The following SLC30A5 variants were observed in gnomAD, a reference collection of about 807,000 sequenced individuals.
SLC30A5 encodes solute carrier family 30 member 5, also known as proton-coupled zinc antiporter SLC30A5.
Under a neutral mutation model 79.6 loss-of-function variants are expected in SLC30A5, and 33 were observed. The observed-to-expected ratio is 0.41, with a 90% confidence interval of 0.31 to 0.55. The LOEUF is 0.55. SLC30A5 is among the 20% of genes least tolerant of loss of function. The pLI is 0.20. For missense variants in SLC30A5, 788 were observed against 928.1 expected (o/e 0.85, Z 1.96); for synonymous variants, 299 against 319.7 (o/e 0.94, Z 0.69).
At chr5:69,118,920 C>T (rs1199967120) in intron 12 of SLC30A5, among the ~76,000 whole-genome samples, 20 of 151,770 alleles carry the variant, frequency 1.3e-4, no homozygotes, top group Admixed American at 1.3e-3. Context: ...CGTGCCTCAG[C>T]CTCCTGAGTA....
At position 69,121,792 on chromosome 5, in the gene SLC30A5, C is replaced by T; in HGVS notation, c.1668C>T (p.His556=). The T allele has an allele frequency of 6.2e-7, 1 of 1,611,996 alleles. No homozygotes were observed. The highest frequency in any genetic ancestry group is 8.5e-7 in the Non-Finnish European group (1 of 1,178,554). The change falls in exon 13 of 16, where the codon CAC becomes CAT. Residue 556 remains histidine (H), a synonymous_variant. Coordinates refer to ENST00000396591, the MANE Select transcript of SLC30A5 (RefSeq NM_022902.5). ...ATGGAGCTTCTCAAGGAAGCTGTCA[C>T]TCATCTGATCACAGCCATTCACACC... ...HAHGASQGSC[H]SSDHSHSHHM...
rs1023532564 is a variant in SLC30A5, at chr5:69,094,057, C to T, written c.-199C>T. 3.8e-5 allele frequency: 15 copies of T among 396,726 alleles called. 1 individual carries two copies. The highest frequency in any genetic ancestry group is 2.9e-4 in the African/African-American group (14 of 48,410). 24.6% of individuals were successfully genotyped at this position (396,726 alleles called of 1,614,324 possible). On this transcript the variant is annotated 5_prime_UTR_variant, in exon 1 of 16. Transcript: ENST00000396591. The stretch of plus-strand genomic sequence containing the variant: ...TCCCGGGAACCTGGCGCCGCCGGAA[C>T]TGATCGCGGCCTAGTCCCGACGCGT...
At chr5:69,100,717 T>C (rs1745888753) in intron 1 of SLC30A5, 90 bp from the exon 2 acceptor site, 12 of 1,109,016 alleles carry the variant, frequency 1.1e-5, no homozygotes, top group Non-Finnish European at 1.4e-5. Context: ...TTCTGTGGTT[T>C]CTGTAATGAC....
intron 14 of SLC30A5, 45 bp from the exon 15 acceptor site, chr5:69,127,959 A>T: frequency 6.5e-7 from 1 of 1,548,766 alleles, no homozygotes; most frequent in East Asian, 2.3e-5. Context: ...TGTGTTGTGT[A>T]AAGTAGCCTG....
chr5:69,108,481 T>C, intron 5 of SLC30A5, 45 bp downstream of exon 5: 1 of 1,282,800 alleles, frequency 7.8e-7, no homozygotes, highest in Non-Finnish European at 1.1e-6. Context: ...AAAGTATGTA[T>C]GTCACATATT....
chr5:69,104,568 A>T, intron 3 of SLC30A5, 63 bp from the exon 4 acceptor site: 1 of 1,463,648 alleles, frequency 6.8e-7, no homozygotes. Flanking sequence ...TTTTATTTAA[A>T]ATTTGGATAT....
chr5:69,098,445 G>A (rs938436025), intron 1 of SLC30A5, among the ~76,000 whole-genome samples: 4 of 152,184 alleles, frequency 2.6e-5, no homozygotes, highest in South Asian at 4.1e-4. Context: ...AGAATTGCTT[G>A]AACCCGGGGG....
intron 15 of SLC30A5, among the ~76,000 whole-genome samples, chr5:69,129,036 C>T (rs1305105056): frequency 6.6e-6 from 1 of 152,022 alleles, no homozygotes; most frequent in Non-Finnish European, 1.5e-5. Flanking sequence ...ACTATGTTGC[C>T]CAGGCTGGTC....
rs1170412490 is a variant in SLC30A5, at chr5:69,118,615, C to G, written c.1556C>G (p.Thr519Ser). The G allele has an allele frequency of 6.3e-7, 1 of 1,587,060 alleles. No homozygotes were observed. The highest frequency in any genetic ancestry group is 1.8e-5 in the Admixed American group (1 of 55,772). The change falls in exon 12 of 16, where the codon ACT (threonine) becomes AGT (serine). Residue 519 changes from threonine to serine, a missense_variant. Thr to Ser is a moderately conservative substitution (Grantham distance 58, BLOSUM62 1). Coordinates refer to ENST00000396591, the MANE Select transcript of SLC30A5 (RefSeq NM_022902.5). ...ARLIDPPELD[T>S]HMLTPVSVGG... ...TTGATTGATCCTCCAGAATTAGACA[C>G]TCACATGTTAACAGTAAGTCTTTTT...
intron 14 of SLC30A5, 80 bp downstream of exon 14, chr5:69,123,505 C>A (rs1337736875): frequency 4.2e-5 from 44 of 1,047,586 alleles, no homozygotes; most frequent in South Asian, 1.2e-4. Context: ...AAACAGACAA[C>A]CAAATAAATA....
At chr5:69,096,982 C>A (rs920676380) in intron 1 of SLC30A5, among the ~76,000 whole-genome samples, 18 of 147,834 alleles carry the variant, frequency 1.2e-4, no homozygotes, top group Non-Finnish European at 1.8e-4. Context: ...CAAAAAAAAA[C>A]CCCAAAAAAA....
chr5:69,096,004 G>A (rs1052951703), intron 1 of SLC30A5, among the ~76,000 whole-genome samples: 2 of 152,130 alleles, frequency 1.3e-5, no homozygotes, highest in African/African-American at 4.8e-5. Context: ...AGGAGGCAGA[G>A]GTTGCAGTGA....
rs773631536 is a variant in SLC30A5 at position 69,128,090 on chromosome 5, A to T, written c.2085A>T (p.Ile695=). 1.9e-6 allele frequency: 3 copies of T among 1,612,590 alleles called. No individual in the cohort carries two copies. The highest frequency in any genetic ancestry group is 1.7e-6 in the Non-Finnish European group (2 of 1,179,038). ...GTATTGTGGCAGGAACAATTCATAT[A>T]CAGGTGACATCTGATGTGCTAGAAC... ...SASIVAGTIH[I]QVTSDVLEQR... The change falls in exon 15 of 16, where the codon ATA becomes ATT. Residue 695 remains isoleucine (I), a synonymous_variant. Coordinates refer to ENST00000396591, the MANE Select transcript of SLC30A5 (RefSeq NM_022902.5).
At chr5:69,098,063 G>A (rs764632032) in intron 1 of SLC30A5, among the ~76,000 whole-genome samples, 2 of 151,310 alleles carry the variant, frequency 1.3e-5, no homozygotes, top group Non-Finnish European at 1.5e-5. Flanking sequence ...GCCCAGGTTG[G>A]TCTTGAACTC....
At chr5:69,113,692 A>C (rs1052488209) in intron 6 of SLC30A5, among the ~76,000 whole-genome samples, 8 of 152,084 alleles carry the variant, frequency 5.3e-5, no homozygotes, top group Non-Finnish European at 1.0e-4. Context: ...CAGAAACCCA[A>C]CTTTCTAGTC....
chr5:69,115,988 G>C lies in SLC30A5; in HGVS notation c.846G>C (p.Met282Ile). 2 of 1,613,728 alleles carry C rather than the reference G, an allele frequency of 1.2e-6. No homozygotes were observed. The highest frequency in any genetic ancestry group is 1.7e-6 in the Non-Finnish European group (2 of 1,179,882). Residue 282 changes from methionine to isoleucine, a missense_variant, in exon 9 of 16, where the codon ATG becomes ATC. Met to Ile is a conservative substitution (Grantham distance 10). Around this residue, in one of 3 missense-constraint regions of SLC30A5, gnomAD observed 626 missense variants for 755.5 expected, o/e 0.83. Coordinates refer to ENST00000396591, the MANE Select transcript of SLC30A5 (RefSeq NM_022902.5). ...TTGCAACGGTTATCTTTTTTGTCATGATCCTGGATTTCTACGTGGATTCCA... is the reference window on the plus strand; with the variant it reads ...TTGCAACGGTTATCTTTTTTGTCATCATCCTGGATTTCTACGTGGATTCCA... ...MPFATVIFFV[M>I]ILDFYVDSIC...
chr5:69,106,173 C>T (rs889371269), intron 4 of SLC30A5, among the ~76,000 whole-genome samples: 2 of 152,104 alleles, frequency 1.3e-5, no homozygotes, highest in African/African-American at 2.4e-5. Flanking sequence ...TTGTCATGTA[C>T]TTTGTCAGAT....
intron 15 of SLC30A5, among the ~76,000 whole-genome samples, chr5:69,128,533 GT>G (rs1746766414): frequency 6.6e-6 from 1 of 152,066 alleles, no homozygotes; most frequent in East Asian, 1.9e-4. Context: ...AAAGTGCTGG[GT>G]TTATAGGCAA....
chr5:69,129,791 G>T lies in SLC30A5; in HGVS notation c.*174G>T. On this transcript the variant is annotated 3_prime_UTR_variant, in exon 16 of 16. Transcript: ENST00000396591. ...TTTAAATACAGAATGAAACATTAATGGTAAAAGTGGAGTAATTATTTAAAT... is the reference window on the plus strand; with the variant it reads ...TTTAAATACAGAATGAAACATTAATTGTAAAAGTGGAGTAATTATTTAAAT... The T allele has an allele frequency of 2.1e-6, 1 of 477,500 alleles. No homozygotes were observed. Among genetic ancestry groups the T allele is most frequent in the Admixed American group, 4.0e-5 (1 of 25,222 alleles). 29.6% of individuals were successfully genotyped at this position (477,500 alleles called of 1,614,324 possible).
Sources: gnomAD v4.1 joint callset for allele counts (sites outside exome capture counted in the v4.1 genomes callset) on GRCh38, gnomAD v4.1.1 for gene constraint, gnomAD v4.1.1 regional missense constraint, MANE v1.5 for transcripts, NCBI Gene and HGNC (gene_info 2026-07-23, HGNC 2026-07-21) for gene names.